The following EGLN1 variants were observed in gnomAD, a reference collection of about 807,000 sequenced individuals.
The protein encoded by EGLN1 is egl-9 family hypoxia inducible factor 1, also known as egl nine homolog 1.
In EGLN1, 17 loss-of-function variants were observed where a neutral mutation model predicts 38.3. That is an observed-to-expected ratio of 0.44 (90% CI 0.30 to 0.67). The LOEUF (loss-of-function observed/expected upper bound fraction) is 0.67, where lower values mean the gene tolerates loss of function less well. Ranked by LOEUF, EGLN1 falls within the 30% of genes least tolerant of loss-of-function variation. The pLI is 0.08. For synonymous variants in EGLN1, 283 were observed against 257.5 expected (o/e 1.10, Z -0.95); for missense variants, 477 against 603.3 (o/e 0.79, Z 2.19).
chr1:231,397,236 T>C (rs1688552454), intron 1 of EGLN1, among the ~76,000 whole-genome samples: 1 of 152,258 alleles, frequency 6.6e-6, no homozygotes, highest in South Asian at 2.1e-4. Flanking sequence ...GGCTGTTTCA[T>C]TTTAAATAGT....
At chr1:231,408,228 G>A (rs568441608) in intron 1 of EGLN1, among the ~76,000 whole-genome samples, 1 of 152,192 alleles carries the variant, frequency 6.6e-6, no homozygotes, top group Non-Finnish European at 1.5e-5. Flanking sequence ...ATCCTAAAGG[G>A]TGTAGAAGAT....
intron 1 of EGLN1, among the ~76,000 whole-genome samples, chr1:231,396,467 T>C (rs1688533585): frequency 6.6e-6 from 1 of 152,128 alleles, no homozygotes; most frequent in African/African-American, 2.4e-5. Context: ...TTGGCCAGGA[T>C]GGTCTCGATC....
chr1:231,418,564 C>T lies in EGLN1; in HGVS notation c.891+2434G>A, dbSNP rs1378038811. Among the ~76,000 whole-genome samples, 5 of 152,260 alleles carry T rather than the reference C, an allele frequency of 3.3e-5. No homozygotes were observed. In the East Asian group the frequency reaches 9.6e-4, roughly 29 times the overall value. On this transcript the variant is annotated intron_variant, in intron 1 of 4. Coordinates refer to ENST00000366641, the MANE Select transcript of EGLN1 (RefSeq NM_022051.3). ...ATTAGGAATAACACTACTCACTTCA[C>T]AGAATTAAGATTATTGTGGCCAGGT... is the stretch of plus-strand genomic sequence containing the variant.
intron 1 of EGLN1, among the ~76,000 whole-genome samples, chr1:231,393,331 A>G (rs114765671): frequency 1.4e-3 from 211 of 152,344 alleles, no homozygotes; most frequent in African/African-American, 4.8e-3. Context: ...GAGAAGCTCT[A>G]TAACACGTCA....
intron 1 of EGLN1, 84 bp from the exon 2 acceptor site, chr1:231,374,183 G>C (rs1212124872): frequency 7.7e-7 from 1 of 1,295,634 alleles, no homozygotes; most frequent in East Asian, 2.4e-5. Context: ...TCTGATTTTT[G>C]GCTACTGATT....
intron 1 of EGLN1, among the ~76,000 whole-genome samples, chr1:231,406,422 A>G (rs910352893): frequency 6.6e-6 from 1 of 152,144 alleles, no homozygotes; most frequent in Non-Finnish European, 1.5e-5. Context: ...TATGCCCTCC[A>G]GAGAAGACAT....
chr1:231,419,226 G>T (rs942097564), intron 1 of EGLN1, among the ~76,000 whole-genome samples: 4 of 152,096 alleles, frequency 2.6e-5, no homozygotes, highest in Admixed American at 1.3e-4. Flanking sequence ...CCAACAACTA[G>T]AACTCTTGAG....
At chr1:231,380,308 TC>T (rs1688051807) in intron 1 of EGLN1, among the ~76,000 whole-genome samples, 1 of 112,626 alleles carries the variant, frequency 8.9e-6, no homozygotes, top group Non-Finnish European at 1.7e-5. Flanking sequence ...AGAGCGAGAC[TC>T]CGTCTCAAAA....
intron 1 of EGLN1, among the ~76,000 whole-genome samples, chr1:231,415,851 CT>C (rs34510216): frequency 7.4e-4 from 108 of 145,372 alleles, no homozygotes; most frequent in Middle Eastern, 3.6e-3. Context: ...CATTATCTTT[CT>C]TTTTTTTTTT....
At chr1:231,380,315 CAAAAAAA>C (rs35280417) in intron 1 of EGLN1, among the ~76,000 whole-genome samples, 1 of 101,838 alleles carries the variant, frequency 9.8e-6, no homozygotes, top group African/African-American at 3.9e-5. Flanking sequence ...GACTCCGTCT[CAAAAAAA>C]AAAAAAAAAA....
intron 1 of EGLN1, among the ~76,000 whole-genome samples, chr1:231,410,013 G>A (rs763501415): frequency 1.3e-5 from 2 of 151,952 alleles, no homozygotes; most frequent in African/African-American, 2.4e-5. Context: ...TAGACTAGAG[G>A]GAAAAAAAGA....
At chr1:231,396,159 T>G (rs999965546) in intron 1 of EGLN1, among the ~76,000 whole-genome samples, 13 of 151,920 alleles carry the variant, frequency 8.6e-5, no homozygotes, top group Non-Finnish European at 1.8e-4. Flanking sequence ...AACACCCCCG[T>G]CTTCTGGTTT....
chr1:231,394,409 C>T (rs938652972), intron 1 of EGLN1, among the ~76,000 whole-genome samples: 5 of 148,998 alleles, frequency 3.4e-5, no homozygotes, highest in African/African-American at 1.2e-4. Flanking sequence ...GACGGAGTCT[C>T]GCTCTGTTGC....
intron 1 of EGLN1, among the ~76,000 whole-genome samples, chr1:231,387,362 T>TA (rs1409515513): frequency 7.3e-6 from 1 of 137,178 alleles, no homozygotes; most frequent in Non-Finnish European, 1.5e-5. Flanking sequence ...TTTTTTTAAT[T>TA]TTTTTTTTTT....
chr1:231,367,544 T>C, intron 4 of EGLN1, 25 bp downstream of exon 4: 1 of 1,612,676 alleles, frequency 6.2e-7, no homozygotes, highest in Non-Finnish European at 8.5e-7. Flanking sequence ...TGTACCAATA[T>C]ATCCTGGCCC....
In EGLN1 at chr1:231,365,152, T is replaced by G. The variant is rs746253526; in HGVS notation, c.*1259A>C. Reference sequence around the variant, plus strand: ...GTAACACCACACTTCAGTTTCAATGTGTACATAATCTCCCCTTGATGCTCT... The same window carrying G: ...GTAACACCACACTTCAGTTTCAATGGGTACATAATCTCCCCTTGATGCTCT... On this transcript the variant is annotated 3_prime_UTR_variant, in exon 5 of 5. Coordinates refer to ENST00000366641, the MANE Select transcript of EGLN1 (RefSeq NM_022051.3). The G allele has an allele frequency of 6.6e-6, 1 of 152,190 alleles. No homozygotes were observed. Among genetic ancestry groups the G allele is most frequent in the Non-Finnish European group, 1.5e-5 (1 of 68,038 alleles). The allele number at this position is 152,190 out of a possible 1,614,324, so 9.4% of individuals were successfully genotyped here.
chr1:231,401,515 C>T (rs1688663824), intron 1 of EGLN1, among the ~76,000 whole-genome samples: 1 of 152,104 alleles, frequency 6.6e-6, no homozygotes, highest in African/African-American at 2.4e-5. Flanking sequence ...ATATCTAATG[C>T]ATTGTTGGCA....
At chr1:231,411,601 TAATTTTTAAA>T (rs917015093) in intron 1 of EGLN1, among the ~76,000 whole-genome samples, 7 of 152,200 alleles carry the variant, frequency 4.6e-5, no homozygotes, top group Non-Finnish European at 7.3e-5. Context: ...TTTCTGGTTT[TAATTTTTAAA>T]AATTATTTCA....
At chr1:231,402,588 C>T (rs1355361576) in intron 1 of EGLN1, among the ~76,000 whole-genome samples, 2 of 152,008 alleles carry the variant, frequency 1.3e-5, no homozygotes, top group Non-Finnish European at 2.9e-5. Flanking sequence ...GTGCACGCCA[C>T]CACATCCAAC....
Sources: allele counts gnomAD v4.1 joint callset (sites outside exome capture counted in the v4.1 genomes callset), GRCh38; gene constraint gnomAD v4.1.1; transcripts MANE v1.5; gene names NCBI Gene and HGNC (gene_info 2026-07-23, HGNC 2026-07-21).